KIDINS220: variants seen among roughly 807,000 people sequenced by gnomAD.
KIDINS220 encodes kinase D-interacting substrate of 220 kDa.
A neutral mutation model predicts 157.6 loss-of-function variants in KIDINS220; 63 were observed. The ratio of observed to expected loss-of-function variants is 0.40; its 90% CI spans 0.33 to 0.49. The LOEUF is 0.49. Ranked by LOEUF, KIDINS220 falls within the 20% of genes least tolerant of loss-of-function variation. The pLI is 0.66. For synonymous variants in KIDINS220, 732 were observed against 783.6 expected (o/e 0.93, Z 1.10); for missense variants, 1,772 against 2,171.2 (o/e 0.82, Z 3.65).
At chr2:8,784,789 A>T (rs1672167783) in intron 17 of KIDINS220, among the ~76,000 whole-genome samples, 1 of 152,254 alleles carries the variant, frequency 6.6e-6, no homozygotes, top group Admixed American at 6.5e-5. Flanking sequence ...GATGTGGAGC[A>T]ACAGGAGCCT....
At chr2:8,745,385 A>C (rs535963710) in intron 26 of KIDINS220, among the ~76,000 whole-genome samples, 233 of 152,352 alleles carry the variant, frequency 1.5e-3, no homozygotes, top group Non-Finnish European at 2.7e-3. Flanking sequence ...GAAGTCACTG[A>C]AACACTTCAG....
Position 8,803,267 on chromosome 2 carries a change from A to C in KIDINS220, c.604-140T>G, listed in dbSNP as rs1251178454. The C allele has an allele frequency of 1.1e-5, 8 of 727,046 alleles. No individual in the cohort carries two copies. The African/African-American group carries it at 1.2e-4, about 11-fold the overall frequency. 45.0% of individuals were successfully genotyped at this position (727,046 alleles called of 1,614,324 possible). A position where few individuals can be genotyped will look rare whatever the true frequency, so the allele number is the denominator to read the frequency against. On this transcript the variant is annotated intron_variant, in intron 7 of 29. Coordinates refer to ENST00000256707, the MANE Select transcript of KIDINS220 (RefSeq NM_020738.4). The stretch of plus-strand genomic sequence containing the variant: ...CTATTATTGTCATTTCCAATAGTAA[A>C]ATGCCAAAATAAATAGCAAGAAACA...
intron 15 of KIDINS220, among the ~76,000 whole-genome samples, chr2:8,788,432 G>A (rs1386015170): frequency 6.6e-6 from 1 of 151,908 alleles, no homozygotes. Flanking sequence ...TGACGCCCCC[G>A]CTAATTTTGT....
chr2:8,756,476 T>C (rs1223530864), intron 22 of KIDINS220, among the ~76,000 whole-genome samples: 1 of 152,212 alleles, frequency 6.6e-6, no homozygotes. Context: ...CAATGTTGAA[T>C]AGCAGTGGTG....
At chr2:8,776,692 G>A (rs1373173255) in intron 21 of KIDINS220, 56 bp downstream of exon 21, 1 of 1,497,814 alleles carries the variant, frequency 6.7e-7, no homozygotes, top group Non-Finnish European at 9.2e-7. Context: ...AAATTAAATG[G>A]TTTTGTGAAT....
intron 6 of KIDINS220, among the ~76,000 whole-genome samples, chr2:8,809,174 C>T (rs1675933265): frequency 6.6e-6 from 1 of 152,134 alleles, no homozygotes; most frequent in Non-Finnish European, 1.5e-5. Flanking sequence ...GCACCCACCA[C>T]CATGCCCAGC....
intron 21 of KIDINS220, among the ~76,000 whole-genome samples, chr2:8,774,584 T>G (rs368124946): frequency 2.0e-5 from 3 of 152,078 alleles, no homozygotes; most frequent in Non-Finnish European, 4.4e-5. Flanking sequence ...AACCCCATGA[T>G]GCATATATCC....
chr2:8,818,930 A>G, intron 2 of KIDINS220, 137 bp from the exon 3 acceptor site: 1 of 433,840 alleles, frequency 2.3e-6, no homozygotes, highest in East Asian at 3.6e-5. Flanking sequence ...TAATTTAGAA[A>G]CAGCTTTGAA....
chr2:8,787,117 A>T (rs1163992401), intron 15 of KIDINS220, among the ~76,000 whole-genome samples: 1 of 151,896 alleles, frequency 6.6e-6, no homozygotes, highest in Non-Finnish European at 1.5e-5. Flanking sequence ...AAAAAAAAAT[A>T]CCACCTCATT....
intron 22 of KIDINS220, among the ~76,000 whole-genome samples, chr2:8,753,209 C>T (rs1207898428): frequency 2.0e-5 from 3 of 151,514 alleles, no homozygotes; most frequent in Admixed American, 6.6e-5. Flanking sequence ...ATCCACACAA[C>T]GGAATACTAC....
At chr2:8,800,897 C>T (rs529409632) in intron 8 of KIDINS220, among the ~76,000 whole-genome samples, 32 of 152,136 alleles carry the variant, frequency 2.1e-4, no homozygotes, top group Admixed American at 3.9e-4. Context: ...TGCTATATGA[C>T]GAAAGCCATG....
chr2:8,731,287 T>C lies in KIDINS220; in HGVS notation c.4749A>G (p.Ser1583=), dbSNP rs1346584709. ...LSDALLDKKD[S]SDSGVRSSES... is the part of the protein sequence containing the mutation. ...CACTGGATCTCACTCCTGAATCCGA[T>C]GAATCCTTTTTGTCAAGGAGCGCAT... The change falls in exon 30 of 30, where the codon TCA becomes TCG. Residue 1583 remains serine, a synonymous_variant. Transcript: ENST00000256707. The surrounding 1 kb of genome is among the most constrained non-coding windows in gnomAD (Gnocchi z 5.2). 3.1e-6 allele frequency: 5 copies of C among 1,614,136 alleles called. No individual in the cohort carries two copies. Among genetic ancestry groups the C allele is most frequent in the Non-Finnish European group, 4.2e-6 (5 of 1,180,034 alleles).
intron 2 of KIDINS220, among the ~76,000 whole-genome samples, chr2:8,819,511 G>A (rs570098770): frequency 6.6e-6 from 1 of 152,296 alleles, no homozygotes; most frequent in South Asian, 2.1e-4. Flanking sequence ...TAAGTGCCAT[G>A]ACAGGAAACA....
chr2:8,773,842 A>G (rs1290376763), intron 21 of KIDINS220, among the ~76,000 whole-genome samples: 2 of 152,148 alleles, frequency 1.3e-5, no homozygotes, highest in Non-Finnish European at 2.9e-5. Flanking sequence ...ACTGGCCTCC[A>G]GCTGTTGCTG....
rs1364370154 is a variant in KIDINS220 at position 8,763,322 on chromosome 2, G to A, written c.3011+7348C>T. 2.0e-5 allele frequency among the ~76,000 whole-genome samples: 3 copies of A among 152,280 alleles called. No homozygotes were observed. The East Asian group carries it at 5.8e-4, about 29-fold the overall frequency. ...TTATCTGAAATGCTTGGGACTAGAA[G>A]TGTTTCAGATTTGGGAGTTTCGGCA... On this transcript the variant is annotated intron_variant, in intron 22 of 29. Transcript: ENST00000256707.
At chr2:8,756,515 G>A (rs574341063) in intron 22 of KIDINS220, among the ~76,000 whole-genome samples, 2 of 152,310 alleles carry the variant, frequency 1.3e-5, no homozygotes, top group East Asian at 1.9e-4. Flanking sequence ...AACTCAGGCT[G>A]CTATAACAGA....
chr2:8,819,686 G>A (rs1558487876), intron 2 of KIDINS220, among the ~76,000 whole-genome samples: 2 of 152,030 alleles, frequency 1.3e-5, no homozygotes, highest in Non-Finnish European at 2.9e-5. Context: ...TTAGCCAGAC[G>A]TGGTAGCACA....
intron 20 of KIDINS220, 97 bp downstream of exon 20, chr2:8,778,542 G>A (rs1671276820): frequency 2.3e-6 from 2 of 858,790 alleles, no homozygotes; most frequent in Admixed American, 3.6e-5. Context: ...AGCGTTTAAT[G>A]CAATATTTAC....
rs1054182996 is a variant in KIDINS220 at position 8,826,969 on chromosome 2, T to C, written c.108+17A>G. On this transcript the variant is annotated intron_variant, in intron 2 of 29. Coordinates refer to ENST00000256707, the MANE Select transcript of KIDINS220 (RefSeq NM_020738.4). ...AAATATTTGTGAAAGAATGTAATTTTGCAAACTTGGTCTTACCTCATTTCT... is the reference window on the plus strand; with the variant it reads ...AAATATTTGTGAAAGAATGTAATTTCGCAAACTTGGTCTTACCTCATTTCT... 1.2e-5 allele frequency: 17 copies of C among 1,430,828 alleles called. No individual in the cohort carries two copies. Among genetic ancestry groups the C allele is most frequent in the Non-Finnish European group, 1.4e-5 (14 of 1,018,360 alleles). 88.6% of individuals were successfully genotyped at this position (1,430,828 alleles called of 1,614,324 possible). A position where few individuals can be genotyped will look rare whatever the true frequency, so the allele number is the denominator to read the frequency against.
Sources: gnomAD v4.1 joint callset for allele counts (sites outside exome capture counted in the v4.1 genomes callset) on GRCh38, gnomAD v4.1.1 for gene constraint, Gnocchi (gnomAD v3.1) non-coding constraint, MANE v1.5 for transcripts, NCBI Gene and HGNC (gene_info 2026-07-23, HGNC 2026-07-21) for gene names.